HPSE2: variants seen among roughly 807,000 people sequenced by gnomAD.
HPSE2 encodes inactive heparanase-2.
A neutral mutation model predicts 60.5 loss-of-function variants in HPSE2; 38 were observed. The ratio of observed to expected loss-of-function variants is 0.63; its 90% CI spans 0.48 to 0.82. The LOEUF is 0.82. Ranked by LOEUF, HPSE2 falls within the 40% of genes least tolerant of loss-of-function variation. The pLI, the probability that HPSE2 is intolerant of heterozygous loss-of-function variation, is 0.00. For synonymous variants in HPSE2, 295 were observed against 293.2 expected (o/e 1.01, Z -0.06); for missense variants, 713 against 740.4 (o/e 0.96, Z 0.43).
At position 98,721,686 on chromosome 10, in the gene HPSE2, C is replaced by T. The variant is rs200916817; in HGVS notation, c.927G>A (p.Pro309=). 80 of 1,613,534 alleles carry T rather than the reference C, an allele frequency of 5.0e-5. No individual in the cohort carries two copies. Among genetic ancestry groups the T allele is most frequent in the Middle Eastern group, 1.7e-4 (1 of 5,994 alleles). The change falls in exon 5 of 12, where the codon CCG becomes CCA. Residue 309 remains proline (P), a synonymous_variant. Coordinates refer to ENST00000370552, the MANE Select transcript of HPSE2 (RefSeq NM_021828.5). The part of the protein sequence containing the change: ...ASLYGPNIGR[P]RKNVIALLDG... ...CTAGGAGGGCGATGACATTCTTCCT[C>T]GGCCGCCCAATATTAGGGCCATATA... is the stretch of plus-strand genomic sequence containing the variant.
chr10:98,490,718 G>A (rs1232513851), intron 9 of HPSE2, among the ~76,000 whole-genome samples: 2 of 152,136 alleles, frequency 1.3e-5, no homozygotes, highest in Non-Finnish European at 2.9e-5. Context: ...GGAGACCAGA[G>A]TCCTTGATTC....
chr10:99,175,650 C>T (rs2796757), intron 2 of HPSE2, among the ~76,000 whole-genome samples: 22,276 of 152,256 alleles, frequency 0.15, 1,963 homozygotes, highest in Admixed American at 0.22. Flanking sequence ...ACTCCCATCT[C>T]CCTGTGACAG....
At chr10:98,789,113 T>G (rs1950599905) in intron 3 of HPSE2, among the ~76,000 whole-genome samples, 1 of 152,236 alleles carries the variant, frequency 6.6e-6, no homozygotes, top group African/African-American at 2.4e-5. Context: ...AATTTGTATC[T>G]GTTTGGTTTG....
intron 9 of HPSE2, among the ~76,000 whole-genome samples, chr10:98,534,647 T>A (rs485222): frequency 0.96 from 145,297 of 151,994 alleles, 69,780 homozygotes; most frequent in East Asian, 1. Flanking sequence ...TCAGGTGATC[T>A]GCCCACCTCA....
rs201010720 is a variant in HPSE2 at position 98,556,061 on chromosome 10, T to TTTA, written c.1320+58840_1320+58842dup. Among the ~76,000 whole-genome samples, 11 of 152,130 alleles carry TTTA rather than the reference T, an allele frequency of 7.2e-5. No homozygotes were observed. The East Asian group carries it at 1.5e-3, about 21-fold the overall frequency. ...GAAGAACCCATATTAAACTCCGACTTTTATTATTATTATTATTAATTGACT... is the reference window on the plus strand; with the variant it reads ...GAAGAACCCATATTAAACTCCGACTTTTATTATTATTATTATTATTAATTGACT... On this transcript the variant is annotated intron_variant, in intron 9 of 11. Transcript: ENST00000370552.
intron 9 of HPSE2, among the ~76,000 whole-genome samples, chr10:98,513,261 G>C (rs868620311): frequency 6.6e-6 from 1 of 152,112 alleles, no homozygotes; most frequent in South Asian, 2.1e-4. Context: ...AATAAACTTT[G>C]AAAAAAATTA....
At chr10:99,235,244 A>T (rs1849801653) in intron 1 of HPSE2, among the ~76,000 whole-genome samples, 1 of 152,208 alleles carries the variant, frequency 6.6e-6, no homozygotes, top group Admixed American at 6.5e-5. Flanking sequence ...GGATATATGT[A>T]AGCACAACAT....
At chr10:98,827,761 T>C (rs919067293) in intron 3 of HPSE2, among the ~76,000 whole-genome samples, 1 of 152,188 alleles carries the variant, frequency 6.6e-6, no homozygotes, top group African/African-American at 2.4e-5. Context: ...CCAGGTGGTG[T>C]CACCAAGGCA....
chr10:99,143,238 G>A (rs1487649110), intron 3 of HPSE2, among the ~76,000 whole-genome samples: 2 of 152,032 alleles, frequency 1.3e-5, no homozygotes, highest in African/African-American at 2.4e-5. Flanking sequence ...CATGCTGTTG[G>A]GTTTTTCACC....
At chr10:99,212,645 G>T (rs1486076528) in intron 2 of HPSE2, among the ~76,000 whole-genome samples, 1 of 152,080 alleles carries the variant, frequency 6.6e-6, no homozygotes, top group Non-Finnish European at 1.5e-5. Flanking sequence ...GGGGCAGAGG[G>T]TTGGTTTGGG....
At position 99,196,621 on chromosome 10, in the gene HPSE2, T is replaced by A. The variant is rs1482574843; in HGVS notation, c.448+35727A>T. Among the ~76,000 whole-genome samples the A allele has an allele frequency of 2.6e-5, 4 of 152,122 alleles. No individual in the cohort carries two copies. In the South Asian group the frequency reaches 6.2e-4, roughly 24 times the overall value. ...CAGGCATATGAAAAGGTGCTCAACA[T>A]CACTGATCATCAGAAACATGCAAAT... On this transcript the variant is annotated intron_variant, in intron 2 of 11. Coordinates refer to ENST00000370552, the MANE Select transcript of HPSE2 (RefSeq NM_021828.5).
At chr10:98,653,165 T>C (rs1047447977) in intron 6 of HPSE2, among the ~76,000 whole-genome samples, 4 of 152,234 alleles carry the variant, frequency 2.6e-5, no homozygotes, top group Admixed American at 6.5e-5. Flanking sequence ...GTCTGAAACA[T>C]AGCTGCTTCA....
At chr10:98,735,684 A>C (rs1949339776) in intron 4 of HPSE2, among the ~76,000 whole-genome samples, 1 of 152,158 alleles carries the variant, frequency 6.6e-6, no homozygotes, top group South Asian at 2.1e-4. Flanking sequence ...ATATGGAGTC[A>C]AAGGAGATCA....
At chr10:99,229,233 G>A (rs773123692) in intron 2 of HPSE2, among the ~76,000 whole-genome samples, 4 of 151,106 alleles carry the variant, frequency 2.6e-5, no homozygotes, top group Non-Finnish European at 5.9e-5. Context: ...AAAAGTGGAA[G>A]CTTTTTGCTC....
the HPSE2 span, among the ~76,000 whole-genome samples, chr10:99,303,729 C>G: frequency 6.6e-6 from 1 of 152,202 alleles, no homozygotes; most frequent in Admixed American, 6.5e-5. Flanking sequence ...AGAATCAACA[C>G]TCAGCCAGAA....
At chr10:98,970,253 A>AC (rs985548524) in intron 3 of HPSE2, among the ~76,000 whole-genome samples, 43 of 152,098 alleles carry the variant, frequency 2.8e-4, no homozygotes, top group African/African-American at 1.0e-3. Context: ...CTGAGCCACC[A>AC]CGCCCGGCCT....
At chr10:98,710,241 C>T (rs1306895916) in intron 5 of HPSE2, among the ~76,000 whole-genome samples, 1 of 152,120 alleles carries the variant, frequency 6.6e-6, no homozygotes, top group Non-Finnish European at 1.5e-5. Context: ...CTCTCTCTTT[C>T]TCCCTTTCTC....
At chr10:98,789,679 C>T (rs1950615104) in intron 3 of HPSE2, among the ~76,000 whole-genome samples, 1 of 152,276 alleles carries the variant, frequency 6.6e-6, no homozygotes, top group Non-Finnish European at 1.5e-5. Context: ...AAGGAGATGA[C>T]AGCCGGAAGC....
chr10:98,662,114 C>G (rs1009342655), intron 6 of HPSE2, among the ~76,000 whole-genome samples: 2 of 152,192 alleles, frequency 1.3e-5, no homozygotes, highest in African/African-American at 4.8e-5. Flanking sequence ...AGGATGGTCT[C>G]GATCTCCTGA....
Sources: allele counts gnomAD v4.1 joint callset (sites outside exome capture counted in the v4.1 genomes callset), GRCh38; gene constraint gnomAD v4.1.1; transcripts MANE v1.5; gene names NCBI Gene and HGNC (gene_info 2026-07-23, HGNC 2026-07-21).